Variants in STOX2 observed in about 807,000 individuals in gnomAD.
STOX2 encodes storkhead-box protein 2.
STOX2 carries 28 observed loss-of-function variants against 60.9 expected under a neutral mutation model. That is an observed-to-expected ratio of 0.46 (90% CI 0.34 to 0.63). The LOEUF is 0.63. STOX2 is among the 30% of genes least tolerant of loss of function. The pLI is 0.01. For missense variants in STOX2, 1,024 were observed against 1,187.7 expected (o/e 0.86, Z 2.03); for synonymous variants, 472 against 463.9 (o/e 1.02, Z -0.22).
In STOX2 at chr4:184,018,904, G is replaced by GGT. The variant is rs532445605; in HGVS notation, c.*1621_*1622insTG. The stretch of plus-strand genomic sequence containing the variant: ...ATTTAGTTCAGTGGCATGTGCTGTT[G>GGT]GGAGCCATACACCATAAAATATATA... On this transcript the variant is annotated 3_prime_UTR_variant, in exon 4 of 4. Transcript: ENST00000308497. 2.0e-5 allele frequency: 3 copies of GGT among 152,268 alleles called. No homozygotes were observed. Among genetic ancestry groups the GGT allele is most frequent in the East Asian group, 3.9e-4 (2 of 5,188 alleles). 9.4% of individuals were successfully genotyped at this position (152,268 alleles called of 1,614,324 possible).
intron 1 of STOX2, among the ~76,000 whole-genome samples, chr4:183,957,842 G>C (rs1240777706): frequency 1.3e-5 from 2 of 150,584 alleles, no homozygotes; most frequent in African/African-American, 4.9e-5. Context: ...CGTGAATAAG[G>C]CACCCTGGTT....
intron 1 of STOX2, among the ~76,000 whole-genome samples, chr4:183,989,179 T>G (rs57378332): frequency 0.094 from 5,661 of 60,072 alleles, 387 homozygotes; most frequent in African/African-American, 0.26. Context: ...GTTTTTTTTT[T>G]TTTTTTTTTT....
chr4:183,905,022 C>A (rs1741548201), upstream of STOX2, among the ~76,000 whole-genome samples: 1 of 152,226 alleles, frequency 6.6e-6, no homozygotes, highest in African/African-American at 2.4e-5. Context: ...ACCAACATGT[C>A]AAATGCAGCG....
At chr4:183,945,796 G>C (rs1742870429) in intron 1 of STOX2, among the ~76,000 whole-genome samples, 1 of 152,170 alleles carries the variant, frequency 6.6e-6, no homozygotes, top group South Asian at 2.1e-4. Context: ...CAGTCGGTGT[G>C]TTCTTTTACC....
intron 1 of STOX2, among the ~76,000 whole-genome samples, chr4:183,870,327 A>T (rs1209352067): frequency 6.6e-6 from 1 of 152,240 alleles, no homozygotes; most frequent in Non-Finnish European, 1.5e-5. Context: ...GCTTGTAGTA[A>T]CGAAAAGCGT....
At chr4:183,981,201 A>G (rs1732648697) in intron 1 of STOX2, among the ~76,000 whole-genome samples, 1 of 152,204 alleles carries the variant, frequency 6.6e-6, no homozygotes, top group South Asian at 2.1e-4. Flanking sequence ...GGGTCAGTTC[A>G]CTTGTAAATT....
chr4:183,959,591 C>A (rs896809359), intron 1 of STOX2, among the ~76,000 whole-genome samples: 5 of 152,198 alleles, frequency 3.3e-5, no homozygotes, highest in African/African-American at 1.2e-4. Flanking sequence ...GCAGTTTTCA[C>A]AAGATCTTCT....
chr4:183,932,541 T>C (rs1220726687), intron 1 of STOX2, among the ~76,000 whole-genome samples: 1 of 152,052 alleles, frequency 6.6e-6, no homozygotes, highest in Non-Finnish European at 1.5e-5. Context: ...TATTATACAG[T>C]AGAAATGTTT....
chr4:183,801,123 A>G (rs1294195085), intron 1 of STOX2, among the ~76,000 whole-genome samples: 2 of 152,260 alleles, frequency 1.3e-5, no homozygotes, highest in Admixed American at 6.5e-5. Flanking sequence ...GGGTTGGACA[A>G]CAAGGAGATA....
intron 1 of STOX2, among the ~76,000 whole-genome samples, chr4:183,844,567 C>G (rs935570649): frequency 2.0e-5 from 3 of 151,898 alleles, no homozygotes; most frequent in African/African-American, 7.3e-5. Flanking sequence ...GAATTTTTAC[C>G]TCAGGGATAT....
intron 1 of STOX2, among the ~76,000 whole-genome samples, chr4:183,948,475 G>T (rs2111140208): frequency 2.2e-5 from 1 of 45,956 alleles, no homozygotes; most frequent in Admixed American, 2.9e-4. Flanking sequence ...GGATCCAGGT[G>T]CTCTTGGGGC....
intron 1 of STOX2, among the ~76,000 whole-genome samples, chr4:183,990,811 C>G (rs1733076910): frequency 6.6e-6 from 1 of 151,782 alleles, no homozygotes; most frequent in Admixed American, 6.6e-5. Flanking sequence ...GACAAATGAG[C>G]ATGTGGACAT....
At chr4:183,876,145 T>G in intron 1 of STOX2, among the ~76,000 whole-genome samples, 1 of 152,222 alleles carries the variant, frequency 6.6e-6, no homozygotes, top group South Asian at 2.1e-4. Flanking sequence ...ACCCAAGCTC[T>G]GCGTCTTGCA....
At chr4:183,909,291 T>C (rs1741712398) in intron 1 of STOX2, among the ~76,000 whole-genome samples, 1 of 152,226 alleles carries the variant, frequency 6.6e-6, no homozygotes, top group South Asian at 2.1e-4. Context: ...TTTTAGGAAA[T>C]GTAAAGGAGA....
At position 183,856,672 on chromosome 4, in the gene STOX2, G is replaced by A. The variant is rs530700202; in HGVS notation, c.364+58617G>A. ...AGCTGTCTCGGACTCGGACCCCGGG[G>A]GATGATAGCTCCCTTGCCCAAGAAT... is the stretch of plus-strand genomic sequence containing the variant. On this transcript the variant is annotated intron_variant, in intron 1 of 2. Transcript: ENST00000513034. The surrounding 1 kb of genome is among the most constrained non-coding windows in gnomAD (Gnocchi z 4.0). 1.6e-4 allele frequency among the ~76,000 whole-genome samples: 24 copies of A among 152,148 alleles called. No individual in the cohort carries two copies. The highest frequency in any genetic ancestry group is 7.2e-4 in the Admixed American group (11 of 15,288).
chr4:183,805,017 G>A (rs1738852361), intron 1 of STOX2, among the ~76,000 whole-genome samples: 1 of 152,210 alleles, frequency 6.6e-6, no homozygotes, highest in Non-Finnish European at 1.5e-5. Flanking sequence ...CGGTGTCTGT[G>A]TCTTGCGACG....
chr4:184,006,659 G>A (rs1733841278), intron 2 of STOX2, among the ~76,000 whole-genome samples: 1 of 129,102 alleles, frequency 7.7e-6, no homozygotes. Flanking sequence ...CTGCACTCCA[G>A]CCTGCGCAAG....
intron 1 of STOX2, among the ~76,000 whole-genome samples, chr4:183,897,479 G>T (rs1417265213): frequency 6.6e-6 from 1 of 152,192 alleles, no homozygotes; most frequent in Non-Finnish European, 1.5e-5. Flanking sequence ...TTCAGTATGA[G>T]ATAGCTTTAA....
rs1281435815 is a variant in STOX2, at chr4:184,010,902, C to T, written c.2064C>T (p.Pro688=). ...TCGTCCAGCACCATGGTGCCGAGCC[C>T]AGCAGCTTGGACAAGAGGAAAGAGA... The part of the protein sequence containing the change: ...GRLVQHHGAE[P]SSLDKRKEIF... The change falls in exon 3 of 4, where the codon CCC becomes CCT. Residue 688 remains proline (P), a synonymous_variant. Transcript: ENST00000308497. This position sits in a 1 kb window ranked among gnomAD's most constrained non-coding sequence, Gnocchi z 4.5. 1 of 1,613,088 alleles carries T rather than the reference C, an allele frequency of 6.2e-7. No individual in the cohort carries two copies. The highest frequency in any genetic ancestry group is 1.1e-5 in the South Asian group (1 of 90,884).
Sources: gnomAD v4.1 joint callset for allele counts (sites outside exome capture counted in the v4.1 genomes callset) on GRCh38, gnomAD v4.1.1 for gene constraint, Gnocchi (gnomAD v3.1) non-coding constraint, MANE v1.5 for transcripts, NCBI Gene and HGNC (gene_info 2026-07-23, HGNC 2026-07-21) for gene names.